Variants in TERF1 observed in about 807,000 individuals in gnomAD.
TERF1 encodes telomeric repeat binding factor 1.
A neutral mutation model predicts 55.1 loss-of-function variants in TERF1; 20 were observed. That is an observed-to-expected ratio of 0.36 (90% CI 0.26 to 0.53). The LOEUF (loss-of-function observed/expected upper bound fraction) is 0.53, where lower values mean the gene tolerates loss of function less well. TERF1 is among the 20% of genes least tolerant of loss of function. TERF1 has a pLI of 0.91. For synonymous variants in TERF1, 168 were observed against 181.2 expected (o/e 0.93, Z 0.59); for missense variants, 439 against 535.7 (o/e 0.82, Z 1.78).
In TERF1 at chr8:73,045,218, G is replaced by C. The variant is rs75425007; in HGVS notation, c.1144-743G>C. Among the ~76,000 whole-genome samples, 20 of 152,288 alleles carry C rather than the reference G, an allele frequency of 1.3e-4. No individual in the cohort carries two copies. In the East Asian group the frequency reaches 3.7e-3, roughly 28 times the overall value. On this transcript the variant is annotated intron_variant, in intron 9 of 9. Coordinates refer to ENST00000276603, the MANE Select transcript of TERF1 (RefSeq NM_017489.3). ...TGTGTTTTTTTGATAGCAGCCATCT[G>C]AATGAGTGTGGGTTGATGAACCGGG...
chr8:73,009,237 C>CGCGGGGGGCGGATGCGGGCT (rs1382505776), intron 1 of TERF1, 32 bp downstream of exon 1: 29 of 1,582,120 alleles, frequency 1.8e-5, no homozygotes, highest in Admixed American at 3.4e-5. Context: ...GCCGGGACTA[C>CGCGGGGGGCGGATGCGGGCT]GCGGGGGGCG....
At chr8:73,039,355 G>T in intron 9 of TERF1, 136 bp downstream of exon 9, 1 of 587,120 alleles carries the variant, frequency 1.7e-6, no homozygotes, top group East Asian at 3.0e-5. Context: ...TTATTTTGCC[G>T]TCTTAGATAG....
chr8:73,028,770 A>G (rs1809146154), intron 6 of TERF1, among the ~76,000 whole-genome samples: 1 of 152,098 alleles, frequency 6.6e-6, no homozygotes, highest in Non-Finnish European at 1.5e-5. Flanking sequence ...AGTCTTGCCC[A>G]GCTCTGTAAT....
chr8:73,034,653 G>T (rs1258323230), intron 8 of TERF1, among the ~76,000 whole-genome samples: 1 of 152,110 alleles, frequency 6.6e-6, no homozygotes, highest in Non-Finnish European at 1.5e-5. Context: ...GAAAGAAAAA[G>T]CCAAATCATC....
At position 73,046,190 on chromosome 8, in the gene TERF1, T is replaced by C. The variant is rs1006285506; in HGVS notation, c.*53T>C. The C allele has an allele frequency of 6.6e-5, 93 of 1,409,312 alleles. No homozygotes were observed. In the Middle Eastern group the frequency reaches 7.9e-4, roughly 12 times the overall value. 87.3% of individuals were successfully genotyped at this position (1,409,312 alleles called of 1,614,324 possible). A position where few individuals can be genotyped will look rare whatever the true frequency, so the allele number is the denominator to read the frequency against. ...ACAGTTAAGTATTTTGATCACTGCA[T>C]TTTGTTTGAAACTTGTGTCATTGAT... On this transcript the variant is annotated 3_prime_UTR_variant, in exon 10 of 10. Transcript: ENST00000276603.
At chr8:73,031,412 G>A (rs959159726) in intron 7 of TERF1, 1 of 152,328 alleles carries the variant, frequency 6.6e-6, no homozygotes, top group East Asian at 1.9e-4. Context: ...AGTATCTATA[G>A]GGATAAAAGT....
At chr8:73,012,654 A>C in intron 1 of TERF1, 1 of 233,254 alleles carries the variant, frequency 4.3e-6, no homozygotes, top group Admixed American at 4.9e-5. Context: ...CCTGGGCGAC[A>C]GAGCGTGACT....
chr8:73,017,706 T>C (rs913598198), intron 2 of TERF1, among the ~76,000 whole-genome samples: 3 of 141,250 alleles, frequency 2.1e-5, no homozygotes, highest in South Asian at 2.3e-4. Flanking sequence ...ATATTTTTTT[T>C]CTTTTTTTTT....
In TERF1 at chr8:73,027,252, GA is replaced by G. The variant is rs1214025381; in HGVS notation, c.887+204del. 1.6e-4 allele frequency among the ~76,000 whole-genome samples: 25 copies of G among 152,274 alleles called. 1 individual carries two copies. In the South Asian group the frequency reaches 5.0e-3, roughly 30 times the overall value. On this transcript the variant is annotated intron_variant, in intron 6 of 9. Transcript: ENST00000276603. ...TATGCTAAGCAAAAGTAGAGAATAA[GA>G]AAATATTACAGTTTAAATAATGTGG...
At chr8:73,011,839 A>G (rs1367022125) in intron 1 of TERF1, 1 of 151,960 alleles carries the variant, frequency 6.6e-6, no homozygotes, top group East Asian at 1.9e-4. Flanking sequence ...TTTTCTATCC[A>G]AGTCAAACTT....
Position 73,047,463 on chromosome 8 carries a change from T to C in TERF1, c.*1326T>C. 6.6e-6 allele frequency: 1 copy of C among 152,192 alleles called. No homozygotes were observed. The highest frequency in any genetic ancestry group is 1.5e-5 in the Non-Finnish European group (1 of 68,026). 9.4% of individuals were successfully genotyped at this position (152,192 alleles called of 1,614,324 possible). On this transcript the variant is annotated 3_prime_UTR_variant, in exon 10 of 10. Coordinates refer to ENST00000276603, the MANE Select transcript of TERF1 (RefSeq NM_017489.3). ...ACTATGATCATCTTGATGTCTATGA[T>C]AGATAATAAACAAGGTCATACATAC...
chr8:73,046,490 A>T lies in TERF1; in HGVS notation c.*353A>T, dbSNP rs533925610. On this transcript the variant is annotated 3_prime_UTR_variant, in exon 10 of 10. Transcript: ENST00000276603. ...TGACCTCAACCCTGTAACGTAACCC[A>T]TTAAAATGAATTTCTTTTTTTTTAA... The T allele has an allele frequency of 6.4e-6, 1 of 155,246 alleles. No homozygotes were observed. Among genetic ancestry groups the T allele is most frequent in the Non-Finnish European group, 1.4e-5 (1 of 70,384 alleles). The allele number at this position is 155,246 out of a possible 1,614,324, so 9.6% of individuals were successfully genotyped here. A position where few individuals can be genotyped will look rare whatever the true frequency, so the allele number is the denominator to read the frequency against.
intron 8 of TERF1, among the ~76,000 whole-genome samples, chr8:73,037,660 T>C (rs1171086370): frequency 2.0e-5 from 1 of 48,932 alleles, no homozygotes; most frequent in Non-Finnish European, 4.3e-5. Flanking sequence ...ATTATATGTA[T>C]AATAATATTA....
intron 2 of TERF1, among the ~76,000 whole-genome samples, chr8:73,015,079 T>A (rs1479833239): frequency 6.6e-6 from 1 of 152,230 alleles, no homozygotes; most frequent in Non-Finnish European, 1.5e-5. Flanking sequence ...TCAGCACATC[T>A]TAGTTGCTTC....
At chr8:73,035,181 G>A (rs904089066) in intron 8 of TERF1, among the ~76,000 whole-genome samples, 2 of 152,078 alleles carry the variant, frequency 1.3e-5, no homozygotes, top group Non-Finnish European at 2.9e-5. Context: ...ATCAACTTTA[G>A]TCTGTTGATT....
chr8:73,038,075 G>T (rs934148320), intron 8 of TERF1, among the ~76,000 whole-genome samples: 1 of 149,844 alleles, frequency 6.7e-6, no homozygotes, highest in African/African-American at 2.5e-5. Context: ...TAGATAGATA[G>T]ATAAAGCTTC....
chr8:73,027,114 TTGATA>T (rs1809043083), intron 6 of TERF1, 62 bp downstream of exon 6: 1 of 1,131,548 alleles, frequency 8.8e-7, no homozygotes, highest in South Asian at 1.4e-5. Context: ...TTATGTAAAA[TTGATA>T]TGTCTTTTTA....
rs144880237 is a variant in TERF1 at position 73,046,445 on chromosome 8, C to A, written c.*308C>A. 2.3e-4 allele frequency: 41 copies of A among 177,380 alleles called. No homozygotes were observed. The highest frequency in any genetic ancestry group is 4.2e-4 in the Non-Finnish European group (36 of 85,376). The allele number at this position is 177,380 out of a possible 1,614,324, so 11.0% of individuals were successfully genotyped here. On this transcript the variant is annotated 3_prime_UTR_variant, in exon 10 of 10. Coordinates refer to ENST00000276603, the MANE Select transcript of TERF1 (RefSeq NM_017489.3). ...ACGAAAAAAAAAAAATTCCAGTTAA[C>A]CTATTTTGTGTCTGTAGGCTGACCT...
intron 1 of TERF1, 100 bp downstream of exon 1, chr8:73,009,305 G>GGAGAGAGGGA: frequency 4.3e-5 from 3 of 70,270 alleles, no homozygotes; most frequent in Non-Finnish European, 7.2e-5. Flanking sequence ...CGAGGGAGGG[G>GGAGAGAGGGA]CTGCTGCGGC....
Sources: gnomAD v4.1 joint callset for allele counts (sites outside exome capture counted in the v4.1 genomes callset) on GRCh38, gnomAD v4.1.1 for gene constraint, MANE v1.5 for transcripts, NCBI Gene and HGNC (gene_info 2026-07-23, HGNC 2026-07-21) for gene names.